Variants in PLXNC1 observed in about 807,000 individuals in gnomAD.
PLXNC1 encodes the protein plexin-C1.
PLXNC1 carries 75 observed loss-of-function variants against 178.2 expected under a neutral mutation model. That is an observed-to-expected ratio of 0.42 (90% CI 0.35 to 0.51). The LOEUF (loss-of-function observed/expected upper bound fraction) is 0.51. PLXNC1 is among the 20% of genes least tolerant of loss of function. The pLI is 0.02. For missense variants in PLXNC1, 1,503 were observed against 1,984.4 expected (o/e 0.76, Z 4.61); for synonymous variants, 790 against 779.9 (o/e 1.01, Z -0.22).
chr12:94,193,233 G>C (rs538821953), intron 4 of PLXNC1, among the ~76,000 whole-genome samples: 1 of 152,296 alleles, frequency 6.6e-6, no homozygotes, highest in African/African-American at 2.4e-5. Flanking sequence ...AGTGCGACCA[G>C]ATCAGGTGAG....
At position 94,260,987 on chromosome 12, in the gene PLXNC1, G is replaced by A; in HGVS notation, c.3450+147G>A. The A allele has an allele frequency of 1.4e-6, 1 of 704,266 alleles. No individual in the cohort carries two copies. The highest frequency in any genetic ancestry group is 1.6e-5 in the South Asian group (1 of 61,622). The allele number at this position is 704,266 out of a possible 1,614,324, so 43.6% of individuals were successfully genotyped here. ...TTCGTCTTGGTCCTGACCCAGAACA[G>A]AGAGAGGGAAAGTAAACATTGTTTT... is the stretch of plus-strand genomic sequence containing the variant. On this transcript the variant is annotated intron_variant, in intron 20 of 30. Transcript: ENST00000258526. This position sits in a 1 kb window ranked among gnomAD's most constrained non-coding sequence, Gnocchi z 4.4.
chr12:94,236,623 G>A (rs752629167), intron 9 of PLXNC1, among the ~76,000 whole-genome samples: 9 of 151,804 alleles, frequency 5.9e-5, no homozygotes, highest in African/African-American at 2.2e-4. Context: ...TATCAAGACT[G>A]AGTATATTCT....
intron 1 of PLXNC1, among the ~76,000 whole-genome samples, chr12:94,167,205 C>A (rs1961648208): frequency 6.6e-6 from 1 of 152,192 alleles, no homozygotes; most frequent in Non-Finnish European, 1.5e-5. Flanking sequence ...CAGGATCTCT[C>A]ATCCCACCTC....
At position 94,276,768 on chromosome 12, in the gene PLXNC1, T is replaced by C. The variant is rs145879379; in HGVS notation, c.3598-2704T>C. The stretch of plus-strand genomic sequence containing the variant: ...CTGCCCACCAGCTCCCTGCCTTCTC[T>C]CCTGTCTGGTATTTTTTGTTTCTTG... On this transcript the variant is annotated intron_variant, in intron 21 of 30. Coordinates refer to ENST00000258526, the MANE Select transcript of PLXNC1 (RefSeq NM_005761.3). Among the ~76,000 whole-genome samples, 140 of 152,320 alleles carry C rather than the reference T, an allele frequency of 9.2e-4. 1 individual carries two copies. The highest frequency in any genetic ancestry group is 4.8e-3 in the East Asian group (25 of 5,178).
intron 6 of PLXNC1, among the ~76,000 whole-genome samples, chr12:94,221,552 C>A (rs1963796776): frequency 6.6e-6 from 1 of 152,154 alleles, no homozygotes; most frequent in Admixed American, 6.5e-5. Flanking sequence ...GAGTGATGAT[C>A]ATTAATGGAG....
intron 1 of PLXNC1, among the ~76,000 whole-genome samples, chr12:94,163,878 T>TA (rs1398415123): frequency 1.6e-4 from 25 of 152,320 alleles, no homozygotes; most frequent in South Asian, 4.1e-4. Context: ...TCCTAGCTAA[T>TA]AAAATCACTG....
At chr12:94,192,727 T>A (rs902754107) in intron 4 of PLXNC1, among the ~76,000 whole-genome samples, 6 of 152,184 alleles carry the variant, frequency 3.9e-5, no homozygotes, top group Middle Eastern at 3.4e-3. Flanking sequence ...CTGACTAATA[T>A]TCCATTGATA....
chr12:94,149,410 C>T lies in PLXNC1; in HGVS notation c.439C>T (p.Leu147=), dbSNP rs557829261. 1.4e-6 allele frequency: 2 copies of T among 1,437,186 alleles called. No homozygotes were observed. Among genetic ancestry groups the T allele is most frequent in the South Asian group, 2.9e-5 (2 of 68,106 alleles). 89.0% of individuals were successfully genotyped at this position (1,437,186 alleles called of 1,614,324 possible). The change falls in exon 1 of 31, where the codon CTG becomes TTG. Residue 147 remains leucine, a synonymous_variant. Coordinates refer to ENST00000258526, the MANE Select transcript of PLXNC1 (RefSeq NM_005761.3). ...RPLGNLSRNS[L]RNGTEVVSCH... is the part of the protein sequence containing the mutation. ...CCTGGGCAACCTGAGCCGCAACTCC[C>T]TGCGCAACGGCACCGAGGTGGTGTC...
chr12:94,253,181 C>T (rs11107482), intron 15 of PLXNC1, among the ~76,000 whole-genome samples: 9,924 of 139,096 alleles, frequency 0.071, 484 homozygotes, highest in East Asian at 0.24. Flanking sequence ...ACTGCACTCC[C>T]GCCTGGCCAC....
At chr12:94,227,271 C>G (rs1244029150) in intron 9 of PLXNC1, 36 bp downstream of exon 9, 2 of 1,305,708 alleles carry the variant, frequency 1.5e-6, no homozygotes, top group African/African-American at 2.9e-5. Flanking sequence ...AGGGGAAAAC[C>G]TGTCTTTGAA....
Position 94,265,087 on chromosome 12 carries a change from C to G in PLXNC1, c.3459C>G (p.Val1153=), listed in dbSNP as rs368715372. 264 of 1,613,928 alleles carry G rather than the reference C, an allele frequency of 1.6e-4. 1 individual carries two copies. Among genetic ancestry groups the G allele is most frequent in the Non-Finnish European group, 2.0e-4 (232 of 1,179,950 alleles). Residue 1153 remains valine, a synonymous_variant, in exon 21 of 31, where the codon GTC becomes GTG. Transcript: ENST00000258526. ...TTTGTGTCTTTTCCAAGGAGACTGT[C>G]GGAGAGCCCTTCTATTTGCTGGTGA... is the stretch of plus-strand genomic sequence containing the variant. The part of the protein sequence containing the change: ...VCLSGFLRET[V]GEPFYLLVTT...
intron 21 of PLXNC1, among the ~76,000 whole-genome samples, chr12:94,277,550 T>C (rs1234267398): frequency 6.6e-6 from 1 of 152,038 alleles, no homozygotes; most frequent in East Asian, 1.9e-4. Context: ...TACACAGAGG[T>C]TACACAGCTG....
chr12:94,254,859 A>G lies in PLXNC1; in HGVS notation c.2954A>G (p.Glu985Gly), dbSNP rs1250476916. Residue 985 changes from glutamate (E) to glycine (G), a missense_variant, in exon 16 of 31, where the codon GAA (glutamate) becomes GGA (glycine). Physicochemically the swap from Glu to Gly is moderately conservative, Grantham distance 98. Around this residue, in one of 4 missense-constraint regions of PLXNC1, gnomAD observed 639 missense variants for 979.7 expected, o/e 0.65. Transcript: ENST00000258526. ...RKQSQQLELL[E>G]SELRKEIRDG... ...CAGAGTCAACAACTAGAATTGCTGG[A>G]AAGCGAGCTCCGGAAAGAGATACGT... The G allele has an allele frequency of 6.2e-7, 1 of 1,612,062 alleles. No individual in the cohort carries two copies. The highest frequency in any genetic ancestry group is 1.7e-5 in the Admixed American group (1 of 59,818).
At chr12:94,175,306 G>A (rs1214291184) in intron 2 of PLXNC1, among the ~76,000 whole-genome samples, 1 of 152,212 alleles carries the variant, frequency 6.6e-6, no homozygotes, top group African/African-American at 2.4e-5. Context: ...CCCACAGAGT[G>A]AGGCATAGGA....
chr12:94,228,439 C>A (rs1009128198), intron 9 of PLXNC1, among the ~76,000 whole-genome samples: 3 of 152,092 alleles, frequency 2.0e-5, no homozygotes, highest in Admixed American at 2.0e-4. Flanking sequence ...ACAAAATTTA[C>A]CATTTTTATT....
chr12:94,196,702 G>A (rs1418523052), intron 4 of PLXNC1, among the ~76,000 whole-genome samples: 1 of 152,172 alleles, frequency 6.6e-6, no homozygotes, highest in Admixed American at 6.5e-5. Context: ...CAGGGAGCCT[G>A]CCTCGAGTCC....
intron 21 of PLXNC1, among the ~76,000 whole-genome samples, chr12:94,270,947 T>G (rs1401491011): frequency 6.6e-6 from 1 of 152,038 alleles, no homozygotes; most frequent in Non-Finnish European, 1.5e-5. Context: ...AAGGGGAACG[T>G]CAGGCAGAAT....
chr12:94,233,467 T>C (rs117031775), intron 9 of PLXNC1, among the ~76,000 whole-genome samples: 3,927 of 152,340 alleles, frequency 0.026, 85 homozygotes, highest in Non-Finnish European at 0.026. Context: ...AGCAGGTTGT[T>C]CGGAGGGTGG....
intron 14 of PLXNC1, among the ~76,000 whole-genome samples, chr12:94,249,785 T>G (rs1964625842): frequency 1.3e-5 from 2 of 152,156 alleles, no homozygotes; most frequent in Non-Finnish European, 2.9e-5. Flanking sequence ...CCTGAGAGCC[T>G]ACGCTGTGAT....
Sources: gnomAD v4.1 joint callset for allele counts (sites outside exome capture counted in the v4.1 genomes callset) on GRCh38, gnomAD v4.1.1 for gene constraint, gnomAD v4.1.1 regional missense constraint, Gnocchi (gnomAD v3.1) non-coding constraint, MANE v1.5 for transcripts, NCBI Gene and HGNC (gene_info 2026-07-23, HGNC 2026-07-21) for gene names.